The following MEIS2 variants were observed in gnomAD, a reference collection of about 807,000 sequenced individuals.
MEIS2 encodes homeobox protein Meis2.
A neutral mutation model predicts 58.6 loss-of-function variants in MEIS2; 9 were observed. The observed-to-expected ratio is 0.15, with a 90% CI of 0.09 to 0.27. MEIS2 has a LOEUF of 0.27. MEIS2 is among the 10% of genes least tolerant of loss of function. The pLI is 1.00. For missense variants in MEIS2, 427 were observed against 635.0 expected (o/e 0.67, Z 3.52); for synonymous variants, 221 against 228.4 (o/e 0.97, Z 0.29).
At chr15:37,034,540 A>G (rs1190739932) in intron 8 of MEIS2, among the ~76,000 whole-genome samples, 4 of 152,236 alleles carry the variant, frequency 2.6e-5, no homozygotes, top group Admixed American at 2.0e-4. Context: ...ACAAGTGCCC[A>G]GAAATCACCA....
chr15:36,902,901 C>T (rs1049251011), intron 9 of MEIS2, among the ~76,000 whole-genome samples: 3 of 152,170 alleles, frequency 2.0e-5, no homozygotes, highest in African/African-American at 7.2e-5. Flanking sequence ...GAGGCTATCT[C>T]TCAGGCATGG....
Position 37,093,737 on chromosome 15 carries a change from C to A in MEIS2, c.490-7G>T. On this transcript the variant is annotated splice_polypyrimidine_tract_variant and splice_region_variant and intron_variant, in intron 5 of 11. Transcript: ENST00000561208. ...TATCGCACAGTTCGTGGACCTAGAA[C>A]GAAGGTCATGGTGGAGGGTTTAGCT... The A allele has an allele frequency of 6.2e-7, 1 of 1,613,706 alleles. No homozygotes were observed. The highest frequency in any genetic ancestry group is 8.5e-7 in the Non-Finnish European group (1 of 1,179,710).
intron 9 of MEIS2, among the ~76,000 whole-genome samples, chr15:36,920,118 T>TTTTATTTA (rs199959581): frequency 1.2e-3 from 161 of 134,726 alleles, no homozygotes; most frequent in African/African-American, 2.3e-3. Flanking sequence ...CCTATACTGC[T>TTTTATTTA]TTTATTTATT....
chr15:36,970,359 G>A (rs1330316515), intron 8 of MEIS2, among the ~76,000 whole-genome samples: 5 of 150,934 alleles, frequency 3.3e-5, no homozygotes, highest in South Asian at 2.1e-4. Context: ...AGCCGAGATC[G>A]CGCCACTGCA....
At position 37,100,537 on chromosome 15, in the gene MEIS2, A is replaced by T. The variant is rs1223881779; in HGVS notation, c.-1071T>A. 2.3e-5 allele frequency: 3 copies of T among 129,412 alleles called. No individual in the cohort carries two copies. The highest frequency in any genetic ancestry group is 4.8e-5 in the Non-Finnish European group (3 of 63,142). 8.0% of individuals were successfully genotyped at this position (129,412 alleles called of 1,614,324 possible). On this transcript the variant is annotated 5_prime_UTR_variant, in exon 1 of 12. Transcript: ENST00000561208. ...GAGCGCGCCGCGCCGAGCCTCTGAT[A>T]TGCAACGAGTGCGATCGGACAGCCC... is the stretch of plus-strand genomic sequence containing the variant.
chr15:36,901,277 T>C (rs548089410), intron 9 of MEIS2: 23 of 152,348 alleles, frequency 1.5e-4, no homozygotes, highest in African/African-American at 5.3e-4. Flanking sequence ...ACTTCAGCCT[T>C]GGCAAGTCAC....
upstream of MEIS2, among the ~76,000 whole-genome samples, chr15:37,100,732 C>A (rs1261652778): frequency 6.7e-6 from 1 of 149,598 alleles, no homozygotes; most frequent in Non-Finnish European, 1.5e-5. Flanking sequence ...TGTGTGCGTG[C>A]GCGCGTGTGT....
At chr15:36,968,788 G>A (rs2059436601) in intron 8 of MEIS2, among the ~76,000 whole-genome samples, 1 of 152,164 alleles carries the variant, frequency 6.6e-6, no homozygotes, top group Non-Finnish European at 1.5e-5. Context: ...ATACATTATA[G>A]TACTTGCATT....
At chr15:36,901,394 G>T (rs1381686557) in intron 9 of MEIS2, among the ~76,000 whole-genome samples, 2 of 152,158 alleles carry the variant, frequency 1.3e-5, no homozygotes, top group Non-Finnish European at 2.9e-5. Context: ...CATTAAAATG[G>T]TTAAATCAGT....
intron 8 of MEIS2, among the ~76,000 whole-genome samples, chr15:37,010,502 C>T (rs2061107825): frequency 6.6e-6 from 1 of 152,146 alleles, no homozygotes; most frequent in Non-Finnish European, 1.5e-5. Context: ...CACCCCTAAG[C>T]CTCTGGAGTA....
At chr15:36,962,203 G>T (rs2059207859) in intron 8 of MEIS2, among the ~76,000 whole-genome samples, 1 of 152,130 alleles carries the variant, frequency 6.6e-6, no homozygotes, top group African/African-American at 2.4e-5. Context: ...CTGATGCCTG[G>T]TATGTTGTGG....
intron 8 of MEIS2, among the ~76,000 whole-genome samples, chr15:36,979,101 C>T (rs1202368911): frequency 6.6e-6 from 1 of 152,104 alleles, no homozygotes; most frequent in East Asian, 1.9e-4. Flanking sequence ...TTTTTGAGCA[C>T]TGACATGATG....
chr15:37,019,964 G>A (rs1214541930), intron 8 of MEIS2, among the ~76,000 whole-genome samples: 1 of 152,074 alleles, frequency 6.6e-6, no homozygotes, highest in Non-Finnish European at 1.5e-5. Context: ...TGTAAAGTGT[G>A]GCATGCCCCA....
chr15:37,047,038 G>A (rs940521731), intron 7 of MEIS2, among the ~76,000 whole-genome samples: 1 of 152,046 alleles, frequency 6.6e-6, no homozygotes, highest in African/African-American at 2.4e-5. Context: ...CTGTGGTGCA[G>A]GATAAAAGAA....
chr15:36,947,509 C>T (rs2141379979), intron 9 of MEIS2, among the ~76,000 whole-genome samples: 1 of 152,086 alleles, frequency 6.6e-6, no homozygotes, highest in Middle Eastern at 3.4e-3. Flanking sequence ...TTTCTCAGTG[C>T]TGCTTAACTA....
chr15:37,044,085 C>A (rs1406137715), intron 7 of MEIS2, among the ~76,000 whole-genome samples: 1 of 152,140 alleles, frequency 6.6e-6, no homozygotes, highest in African/African-American at 2.4e-5. Context: ...ATTTAATCTT[C>A]ACAACAAATG....
intron 7 of MEIS2, among the ~76,000 whole-genome samples, chr15:37,065,041 G>A (rs1005070356): frequency 1.3e-5 from 2 of 152,152 alleles, no homozygotes; most frequent in Non-Finnish European, 1.5e-5. Flanking sequence ...TCATTCCTAT[G>A]ATCACTCATG....
chr15:37,066,398 CA>C (rs1282901071), intron 7 of MEIS2: 1 of 152,092 alleles, frequency 6.6e-6, no homozygotes, highest in African/African-American at 2.4e-5. Context: ...ACCTTTTATG[CA>C]AAAGGTAAAG....
intron 9 of MEIS2, among the ~76,000 whole-genome samples, chr15:36,944,055 A>T (rs1181415467): frequency 6.6e-6 from 1 of 152,038 alleles, no homozygotes; most frequent in Admixed American, 6.6e-5. Flanking sequence ...CAATAAATAC[A>T]TCCAGTGTTC....
Sources: allele counts gnomAD v4.1 joint callset (sites outside exome capture counted in the v4.1 genomes callset), GRCh38; gene constraint gnomAD v4.1.1; transcripts MANE v1.5; gene names NCBI Gene and HGNC (gene_info 2026-07-23, HGNC 2026-07-21).